DNAI4: variants seen among roughly 807,000 people sequenced by gnomAD.
DNAI4 encodes WD repeat domain 78.
In DNAI4, 85 loss-of-function variants were observed where a neutral mutation model predicts 105.8. The observed-to-expected ratio is 0.80, with a 90% CI of 0.67 to 0.96. DNAI4 has a LOEUF of 0.96. Among genes scored for constraint, DNAI4 ranks in the 40% least tolerant of loss-of-function variants. The pLI is 0.00. For missense variants in DNAI4, 1,014 were observed against 1,005.6 expected, an observed-to-expected ratio of 1.01 and a Z score of -0.11; for synonymous variants, 352 against 331.5, an observed-to-expected ratio of 1.06 and a Z score of -0.67.
rs549069876 is a variant in DNAI4, at chr1:66,833,686, T to C, written c.1912A>G (p.Thr638Ala). The change falls in exon 13 of 17, where the codon ACT becomes GCT. Residue 638 changes from threonine to alanine, a missense_variant. Physicochemically the swap from Thr to Ala is moderately conservative, Grantham distance 58. Transcript: ENST00000371026. ...CCTTTTTTGTTACTGGCAGCTGTAG[T>C]TCTCTTTAATCGCATCAAATCTGTA... ...DCYDLMRLKRTTAASNKKGGE... is the reference protein window; with the variant it reads ...DCYDLMRLKRATAASNKKGGE... 36 of 1,613,224 alleles carry C rather than the reference T, an allele frequency of 2.2e-5. No homozygotes were observed. In the South Asian group the frequency reaches 3.5e-4, roughly 16 times the overall value.
chr1:66,856,270 C>A (rs1367124975), intron 7 of DNAI4, among the ~76,000 whole-genome samples: 10 of 151,576 alleles, frequency 6.6e-5, no homozygotes, highest in Admixed American at 6.6e-4. Flanking sequence ...GAGATCCAAA[C>A]CATCCTGGCT....
At chr1:66,889,332 C>T (rs1051760463) in intron 4 of DNAI4, among the ~76,000 whole-genome samples, 4 of 152,076 alleles carry the variant, frequency 2.6e-5, no homozygotes, top group African/African-American at 9.7e-5. Context: ...TGCTATTGCC[C>T]TTCTCCTTTC....
At chr1:66,837,670 A>G (rs768071542) in intron 10 of DNAI4, 40 bp downstream of exon 10, 2 of 1,568,208 alleles carry the variant, frequency 1.3e-6, no homozygotes, top group Admixed American at 1.8e-5. Flanking sequence ...AATTTTGTCA[A>G]CAGCCAGATA....
chr1:66,906,901 C>T (rs1193626086), intron 1 of DNAI4: 1 of 152,020 alleles, frequency 6.6e-6, no homozygotes, highest in Non-Finnish European at 1.5e-5. Flanking sequence ...AAAGAGTTGC[C>T]ATTCTTATCT....
intron 7 of DNAI4, among the ~76,000 whole-genome samples, chr1:66,848,543 A>C (rs959926584): frequency 6.6e-6 from 1 of 152,232 alleles, no homozygotes; most frequent in Non-Finnish European, 1.5e-5. Flanking sequence ...TAAAAACAGA[A>C]TGAAGGAAAC....
intron 8 of DNAI4, among the ~76,000 whole-genome samples, chr1:66,843,223 G>A (rs1379487771): frequency 1.3e-5 from 1 of 79,202 alleles, no homozygotes; most frequent in Non-Finnish European, 2.7e-5. Context: ...GGTGGGGGGT[G>A]GGGGGGAGGA....
intron 2 of DNAI4, among the ~76,000 whole-genome samples, chr1:66,894,288 A>G (rs1167302469): frequency 6.6e-6 from 1 of 152,154 alleles, no homozygotes; most frequent in Non-Finnish European, 1.5e-5. Context: ...ATATTGATAC[A>G]GTTGAACTCT....
chr1:66,818,340 T>A (rs1030028335), intron 16 of DNAI4, among the ~76,000 whole-genome samples: 3 of 151,960 alleles, frequency 2.0e-5, no homozygotes, highest in African/African-American at 7.2e-5. Flanking sequence ...GACTTGTTTG[T>A]CCATAAGAAA....
Position 66,834,097 on chromosome 1 carries a change from T to G in DNAI4, c.1785A>C (p.Glu595Asp), listed in dbSNP as rs767021263. The change falls in exon 12 of 17, where the codon GAA (glutamate) becomes GAC (aspartate). Residue 595 changes from glutamate (E) to aspartate (D), a missense_variant. Transcript: ENST00000371026. ...CATCTCCTGTTGTTCCTCGATCTTG[T>G]TCTATCCACTGTAGTTGCCATACAG... ...LGPVWQLQWI[E>D]QDRGTTGDGK... 4 of 1,612,362 alleles carry G rather than the reference T, an allele frequency of 2.5e-6. No homozygotes were observed. In the Admixed American group the frequency reaches 6.7e-5, roughly 27 times the overall value.
chr1:66,856,942 A>C (rs1379259962), intron 7 of DNAI4, among the ~76,000 whole-genome samples: 1 of 151,428 alleles, frequency 6.6e-6, no homozygotes, highest in Non-Finnish European at 1.5e-5. Flanking sequence ...AAGAAAATAA[A>C]CATAAACCTA....
intron 2 of DNAI4, 59 bp from the exon 3 acceptor site, chr1:66,893,472 A>T (rs1173243649): frequency 4.2e-6 from 5 of 1,204,540 alleles, no homozygotes; most frequent in African/African-American, 1.6e-5. Flanking sequence ...TCTAAATAAC[A>T]GCTGCTAGAA....
intron 2 of DNAI4, among the ~76,000 whole-genome samples, chr1:66,903,666 T>C (rs1159967863): frequency 2.0e-5 from 3 of 152,150 alleles, no homozygotes; most frequent in Non-Finnish European, 2.9e-5. Flanking sequence ...GCTAGTTTTT[T>C]TGTATTTTTA....
At chr1:66,861,413 A>G (rs1251311140) in intron 7 of DNAI4, among the ~76,000 whole-genome samples, 1 of 152,222 alleles carries the variant, frequency 6.6e-6, no homozygotes. Flanking sequence ...AAGTAAAAGT[A>G]GATAACCATA....
intron 8 of DNAI4, among the ~76,000 whole-genome samples, chr1:66,845,137 G>T (rs955375976): frequency 8.5e-6 from 1 of 117,092 alleles, no homozygotes; most frequent in Non-Finnish European, 1.7e-5. Context: ...GTTGCAGTGA[G>T]CCAAGATCGT....
rs534309570 is a variant in DNAI4 at position 66,813,884 on chromosome 1, T to A, written c.*246A>T. On this transcript the variant is annotated 3_prime_UTR_variant, in exon 17 of 17. Coordinates refer to ENST00000371026, the MANE Select transcript of DNAI4 (RefSeq NM_024763.5). ...GTACTCATATGTACTTAGAATATGA[T>A]CAAGAGAGTAGGAATATCTTTAGAA... The A allele has an allele frequency of 2.6e-6, 1 of 387,436 alleles. No individual in the cohort carries two copies. The highest frequency in any genetic ancestry group is 4.6e-6 in the Non-Finnish European group (1 of 217,706). 24.0% of individuals were successfully genotyped at this position (387,436 alleles called of 1,614,324 possible).
chr1:66,923,839 G>C (rs1345733658), intron 1 of DNAI4, among the ~76,000 whole-genome samples: 1 of 152,186 alleles, frequency 6.6e-6, no homozygotes, highest in Non-Finnish European at 1.5e-5. Flanking sequence ...GCAGCATTAC[G>C]GGCAGCGCTA....
chr1:66,871,088 T>C (rs1485150274), intron 6 of DNAI4: 3 of 335,746 alleles, frequency 8.9e-6, no homozygotes, highest in Admixed American at 4.8e-5. Context: ...CTTTGTGACA[T>C]AGTAAATAAT....
intron 11 of DNAI4, among the ~76,000 whole-genome samples, chr1:66,834,828 G>C (rs1223695670): frequency 1.3e-5 from 2 of 151,822 alleles, no homozygotes; most frequent in Non-Finnish European, 2.9e-5. Context: ...TTGATTTTTT[G>C]GTGAAAATTA....
At chr1:66,821,152 G>A (rs1025131690) in intron 16 of DNAI4, among the ~76,000 whole-genome samples, 3 of 132,662 alleles carry the variant, frequency 2.3e-5, no homozygotes, top group Non-Finnish European at 4.6e-5. Flanking sequence ...AGGCTGGAGT[G>A]CAGTGGCGCC....
Sources: allele counts gnomAD v4.1 joint callset (sites outside exome capture counted in the v4.1 genomes callset), GRCh38; gene constraint gnomAD v4.1.1; transcripts MANE v1.5; gene names NCBI Gene and HGNC (gene_info 2026-07-23, HGNC 2026-07-21).